The following ADAMTS6 variants were observed in gnomAD, a reference collection of about 807,000 sequenced individuals.
ADAMTS6 encodes the protein A disintegrin and metalloproteinase with thrombospondin motifs 6.
A neutral mutation model predicts 144.3 loss-of-function variants in ADAMTS6; 23 were observed. That is an observed-to-expected ratio of 0.16 (90% CI 0.11 to 0.23). The LOEUF (loss-of-function observed/expected upper bound fraction) is 0.23. Ranked by LOEUF, ADAMTS6 falls within the 10% of genes least tolerant of loss-of-function variation. The pLI, the probability that ADAMTS6 is intolerant of heterozygous loss-of-function variation, is 1.00. For missense variants in ADAMTS6, 999 were observed against 1,379.6 expected (o/e 0.72, Z 4.37); for synonymous variants, 444 against 457.5 (o/e 0.97, Z 0.38).
Position 65,192,784 on chromosome 5 carries a change from C to T in ADAMTS6, c.2705+4238G>A, listed in dbSNP as rs532539184. On this transcript the variant is annotated intron_variant, in intron 21 of 24. Transcript: ENST00000381055. ...GCTGCTATGAACATGATAACTTTCC[C>T]CAGCAAGGACTCCTCTGGGTCTTCA... Among the ~76,000 whole-genome samples the T allele has an allele frequency of 2.6e-5, 4 of 151,876 alleles. No individual in the cohort carries two copies. In the East Asian group the frequency reaches 7.7e-4, roughly 29 times the overall value.
intron 7 of ADAMTS6, among the ~76,000 whole-genome samples, chr5:65,417,979 A>G (rs1335941539): frequency 6.6e-6 from 1 of 152,222 alleles, no homozygotes; most frequent in Non-Finnish European, 1.5e-5. Context: ...AAACTATACT[A>G]TAAGGCTACA....
At chr5:65,411,358 C>G (rs898430285) in intron 7 of ADAMTS6, among the ~76,000 whole-genome samples, 1 of 152,028 alleles carries the variant, frequency 6.6e-6, no homozygotes, top group Non-Finnish European at 1.5e-5. Context: ...ATTTGAGGAA[C>G]CTTCATACTG....
At chr5:65,298,895 G>A (rs970869904) in intron 10 of ADAMTS6, among the ~76,000 whole-genome samples, 2 of 152,026 alleles carry the variant, frequency 1.3e-5, no homozygotes, top group Admixed American at 1.3e-4. Context: ...GCTATTAGTA[G>A]ATATGAAGGA....
intron 7 of ADAMTS6, among the ~76,000 whole-genome samples, chr5:65,404,875 T>C (rs1754301089): frequency 6.6e-6 from 1 of 152,206 alleles, no homozygotes. Flanking sequence ...TGGTTTTGAT[T>C]TGCATTTCTC....
At chr5:65,393,395 A>C (rs936633496) in intron 7 of ADAMTS6, among the ~76,000 whole-genome samples, 1 of 152,236 alleles carries the variant, frequency 6.6e-6, no homozygotes, top group Non-Finnish European at 1.5e-5. Flanking sequence ...CATACTTGTT[A>C]TGCAAAAGCT....
At chr5:65,177,153 G>A (rs770165427) in intron 22 of ADAMTS6, among the ~76,000 whole-genome samples, 18 of 152,148 alleles carry the variant, frequency 1.2e-4, no homozygotes, top group Non-Finnish European at 2.6e-4. Flanking sequence ...TGAGACTGCC[G>A]TTCGTAGAGC....
At chr5:65,458,868 A>G (rs1037616211) in intron 4 of ADAMTS6, among the ~76,000 whole-genome samples, 1 of 152,232 alleles carries the variant, frequency 6.6e-6, no homozygotes, top group African/African-American at 2.4e-5. Context: ...TTAGTGTACT[A>G]GAAACAGTCA....
At chr5:65,473,476 A>G (rs1760622143) in intron 2 of ADAMTS6, 101 bp downstream of exon 2, 5 of 990,244 alleles carry the variant, frequency 5.0e-6, no homozygotes, top group African/African-American at 1.6e-5. Context: ...CTATCACTAC[A>G]TATCCCAAAA....
chr5:65,343,444 A>T lies in ADAMTS6; in HGVS notation c.1074-9359T>A, dbSNP rs139192771. The stretch of plus-strand genomic sequence containing the variant: ...AGGTGCCAAGAACACTCATTGGGCA[A>T]AGGACAGTATCTTCAATAAATGGTG... On this transcript the variant is annotated intron_variant, in intron 7 of 24. Coordinates refer to ENST00000381055, the MANE Select transcript of ADAMTS6 (RefSeq NM_197941.4). Among the ~76,000 whole-genome samples, 51 of 152,260 alleles carry T rather than the reference A, an allele frequency of 3.3e-4. 2 individuals carry two copies. In the East Asian group the frequency reaches 8.9e-3, roughly 26 times the overall value.
chr5:65,466,763 C>T (rs1349624880), intron 3 of ADAMTS6, among the ~76,000 whole-genome samples: 2 of 152,162 alleles, frequency 1.3e-5, no homozygotes, highest in Non-Finnish European at 2.9e-5. Context: ...ACAGAATAGG[C>T]CGGGCGCGGT....
intron 8 of ADAMTS6, among the ~76,000 whole-genome samples, chr5:65,332,481 A>G (rs1239490380): frequency 1.3e-5 from 2 of 151,928 alleles, no homozygotes; most frequent in African/African-American, 2.4e-5. Context: ...CTGAACACTT[A>G]ATAAATACTT....
chr5:65,421,999 A>G (rs1756085106), intron 7 of ADAMTS6, among the ~76,000 whole-genome samples: 1 of 152,196 alleles, frequency 6.6e-6, no homozygotes, highest in East Asian at 1.9e-4. Flanking sequence ...CAAAAGAAGC[A>G]ATTATCAGAG....
chr5:65,404,324 TG>T (rs1241982644), intron 7 of ADAMTS6, among the ~76,000 whole-genome samples: 1 of 151,986 alleles, frequency 6.6e-6, no homozygotes, highest in Non-Finnish European at 1.5e-5. Context: ...GGCCCTGGTG[TG>T]TTATATTCCC....
At chr5:65,239,505 T>G (rs1485991208) in intron 15 of ADAMTS6, among the ~76,000 whole-genome samples, 2 of 152,072 alleles carry the variant, frequency 1.3e-5, no homozygotes, top group Non-Finnish European at 2.9e-5. Context: ...AGGCAAAGAT[T>G]CCTTAGGACA....
chr5:65,341,586 G>A (rs910515461), intron 7 of ADAMTS6, among the ~76,000 whole-genome samples: 8 of 151,952 alleles, frequency 5.3e-5, no homozygotes, highest in African/African-American at 1.9e-4. Context: ...TCCAATAAAT[G>A]TGAAAACCTA....
At chr5:65,405,070 A>G (rs1296951428) in intron 7 of ADAMTS6, among the ~76,000 whole-genome samples, 1 of 152,312 alleles carries the variant, frequency 6.6e-6, no homozygotes, top group Admixed American at 6.5e-5. Context: ...AGTAGATTGC[A>G]AAAATTTTCT....
At chr5:65,379,496 T>A (rs533286919) in intron 7 of ADAMTS6, among the ~76,000 whole-genome samples, 56 of 152,358 alleles carry the variant, frequency 3.7e-4, no homozygotes, top group African/African-American at 1.1e-3. Context: ...ATAAATTATG[T>A]GAGATCTCAT....
At chr5:65,466,728 G>A (rs1239488662) in intron 3 of ADAMTS6, among the ~76,000 whole-genome samples, 2 of 152,174 alleles carry the variant, frequency 1.3e-5, no homozygotes, top group Non-Finnish European at 2.9e-5. Context: ...AGGGACTGAA[G>A]ATAATCAGTC....
chr5:65,272,920 C>A (rs1451015282), intron 12 of ADAMTS6, among the ~76,000 whole-genome samples: 2 of 149,586 alleles, frequency 1.3e-5, no homozygotes, highest in Non-Finnish European at 3.0e-5. Context: ...GACCATGAGA[C>A]CCTGTCTCAA....
Sources: gnomAD v4.1 joint callset for allele counts (sites outside exome capture counted in the v4.1 genomes callset) on GRCh38, gnomAD v4.1.1 for gene constraint, MANE v1.5 for transcripts, NCBI Gene and HGNC (gene_info 2026-07-23, HGNC 2026-07-21) for gene names.